Variants in MACF1 observed in about 807,000 individuals in gnomAD.
MACF1 encodes microtubule-actin cross-linking factor 1.
Under a neutral mutation model 854.8 loss-of-function variants are expected in MACF1, and 193 were observed. That is an observed-to-expected ratio of 0.23 (90% confidence interval 0.20 to 0.25). The LOEUF (loss-of-function observed/expected upper bound fraction) is 0.25, where lower values mean the gene tolerates loss of function less well. Among genes scored for constraint, MACF1 ranks in the 10% least tolerant of loss-of-function variants. MACF1 has a pLI of 1.00. For missense variants in MACF1, 7,722 were observed against 8,929.1 expected (o/e 0.86, Z 5.45); for synonymous variants, 3,185 against 3,226.7 (o/e 0.99, Z 0.44).
chr1:39,356,911 A>G (rs1375689981), intron 44 of MACF1, among the ~76,000 whole-genome samples: 1 of 152,236 alleles, frequency 6.6e-6, no homozygotes, highest in Non-Finnish European at 1.5e-5. Context: ...CCACAAAGCA[A>G]ATGAGATAAT....
chr1:39,424,849 A>G (rs540202238), intron 61 of MACF1, among the ~76,000 whole-genome samples: 2 of 152,358 alleles, frequency 1.3e-5, no homozygotes, highest in South Asian at 4.1e-4. Flanking sequence ...CTAATGAGAA[A>G]TCAATAAGAG....
rs1366991025 is a variant in MACF1, at chr1:39,333,082, A to G, written c.6494A>G (p.Asn2165Ser). 1.2e-6 allele frequency: 2 copies of G among 1,614,034 alleles called. No individual in the cohort carries two copies. The highest frequency in any genetic ancestry group is 2.7e-5 in the African/African-American group (2 of 74,908). Residue 2165 changes from asparagine to serine, a missense_variant, in exon 37 of 101, where the codon AAC becomes AGC. This residue lies in a region of MACF1 where 1,531 missense variants were observed against 1,601.6 expected (regional missense o/e 0.96). Transcript: ENST00000564288. ...TPKKEHQPLR[N>S]TSFTCQNEQA... The stretch of plus-strand genomic sequence containing the variant: ...AAGAAAGAACATCAACCTCTAAGAA[A>G]CACTTCCTTTACATGTCAGAATGAA...
rs1557593777 is a variant in MACF1 at position 39,334,079 on chromosome 1, GT to G, written c.7493del (p.Leu2498Ter). Reference sequence around the variant, plus strand: ...TGGAGAGAGAGGAGGCCGTTCGTTTGTTGACTAAGCAAGTGGTAGATGGAGG... The same window carrying G: ...TGGAGAGAGAGGAGGCCGTTCGTTTGTGACTAAGCAAGTGGTAGATGGAGG... Reference protein sequence around the residue: ...LLEREEAVRLLTKQVVDGGII... With the variant: ...LLEREEAVRLXTKQVVDGGII... On this transcript the variant is annotated frameshift_variant, in exon 37 of 101. Coordinates refer to ENST00000564288, the MANE Select transcript of MACF1 (RefSeq NM_001394062.1). LOFTEE classifies it high-confidence loss of function. 1 of 1,614,170 alleles carries G rather than the reference GT, an allele frequency of 6.2e-7. No homozygotes were observed. Among genetic ancestry groups the G allele is most frequent in the Admixed American group, 1.7e-5 (1 of 60,028 alleles).
At chr1:39,453,143 T>G (rs972109381) in intron 87 of MACF1, among the ~76,000 whole-genome samples, 2 of 152,322 alleles carry the variant, frequency 1.3e-5, no homozygotes, top group South Asian at 4.1e-4. Context: ...GTTACCAGCT[T>G]TAGGCCCTGA....
At chr1:39,186,272 T>C (rs1334650443) in intron 2 of MACF1, among the ~76,000 whole-genome samples, 1 of 149,860 alleles carries the variant, frequency 6.7e-6, no homozygotes, top group African/African-American at 2.5e-5. Context: ...AAATGACTTT[T>C]TTTTTTTTTT....
chr1:39,221,549 G>GTT (rs1361715003), intron 1 of MACF1, among the ~76,000 whole-genome samples: 1 of 152,072 alleles, frequency 6.6e-6, no homozygotes, highest in Non-Finnish European at 1.5e-5. Flanking sequence ...ACCTCTTTCT[G>GTT]TTTTCATTAT....
intron 2 of MACF1, among the ~76,000 whole-genome samples, chr1:39,157,091 T>A (rs1437478277): frequency 2.6e-5 from 4 of 151,556 alleles, no homozygotes; most frequent in Non-Finnish European, 4.4e-5. Context: ...CACCTTAGCC[T>A]CCCCAGTAGC....
chr1:39,317,890 G>T (rs1646443242), intron 29 of MACF1, among the ~76,000 whole-genome samples: 1 of 152,196 alleles, frequency 6.6e-6, no homozygotes. Flanking sequence ...CCTTTTGGAG[G>T]CTAAGCTGGT....
intron 2 of MACF1, among the ~76,000 whole-genome samples, chr1:39,176,716 T>A (rs533514140): frequency 4.5e-4 from 69 of 152,302 alleles, no homozygotes; most frequent in African/African-American, 1.4e-3. Context: ...CCCAAATTCA[T>A]AGTGTCATGA....
At chr1:39,217,054 G>A (rs951849473) in intron 1 of MACF1, among the ~76,000 whole-genome samples, 17 of 151,728 alleles carry the variant, frequency 1.1e-4, no homozygotes, top group South Asian at 6.2e-4. Context: ...TCATATCACC[G>A]TAAAATAAAA....
chr1:39,375,764 TA>T (rs1039962945), intron 52 of MACF1, among the ~76,000 whole-genome samples: 1 of 152,234 alleles, frequency 6.6e-6, no homozygotes, highest in Non-Finnish European at 1.5e-5. Context: ...AGTGATGTAA[TA>T]AGAAATTATT....
chr1:39,373,298 A>G (rs1302933991), intron 52 of MACF1: 1 of 146,014 alleles, frequency 6.8e-6, no homozygotes, highest in Non-Finnish European at 1.5e-5. Context: ...CTCTGTCTCA[A>G]AAAAAAAAAA....
intron 61 of MACF1, among the ~76,000 whole-genome samples, 155 bp from the exon 62 acceptor site, chr1:39,427,300 C>A (rs1643758590): frequency 6.6e-6 from 1 of 152,122 alleles, no homozygotes; most frequent in Non-Finnish European, 1.5e-5. Flanking sequence ...GTGTGAAATC[C>A]TTTAAAACAT....
At chr1:39,450,048 G>A (rs1422773852) in intron 84 of MACF1, among the ~76,000 whole-genome samples, 1 of 151,826 alleles carries the variant, frequency 6.6e-6, no homozygotes, top group Non-Finnish European at 1.5e-5. Context: ...ATTTTTATTA[G>A]AGACGGGGTT....
At chr1:39,351,208 A>G (rs1647171582) in intron 43 of MACF1, among the ~76,000 whole-genome samples, 190 bp downstream of exon 43, 2 of 152,086 alleles carry the variant, frequency 1.3e-5, no homozygotes, top group Admixed American at 6.5e-5. Context: ...GTGCAGTGGC[A>G]TGATCTCGGC....
At chr1:39,378,211 A>T (rs1210551373) in intron 52 of MACF1, among the ~76,000 whole-genome samples, 2 of 152,194 alleles carry the variant, frequency 1.3e-5, no homozygotes, top group Non-Finnish European at 2.9e-5. Flanking sequence ...TTCAAGTTGG[A>T]GATTTAATAA....
In MACF1 at chr1:39,336,066, C is replaced by T. The variant is rs1018178618; in HGVS notation, c.9478C>T (p.His3160Tyr). The change falls in exon 37 of 101, where the codon CAT (histidine) becomes TAT (tyrosine). Residue 3160 changes from histidine to tyrosine, a missense_variant. Coordinates refer to ENST00000564288, the MANE Select transcript of MACF1 (RefSeq NM_001394062.1). ...WVTSKTKETK[H>Y]QISSSNECKE... ...TACTTCGAAAACTAAGGAAACCAAACATCAAATTTCCTCATCTAATGAATG... is the reference window on the plus strand; with the variant it reads ...TACTTCGAAAACTAAGGAAACCAAATATCAAATTTCCTCATCTAATGAATG... The T allele has an allele frequency of 3.7e-6, 6 of 1,613,948 alleles. No homozygotes were observed. The East Asian group carries it at 1.1e-4, about 30-fold the overall frequency.
At chr1:39,356,990 A>T (rs940567386) in intron 44 of MACF1, among the ~76,000 whole-genome samples, 2 of 152,232 alleles carry the variant, frequency 1.3e-5, no homozygotes, top group African/African-American at 4.8e-5. Flanking sequence ...AGCATGTGGC[A>T]TACTGTTTAG....
intron 6 of MACF1, chr1:39,269,048 G>T: frequency 7.8e-7 from 1 of 1,289,554 alleles, no homozygotes; most frequent in Non-Finnish European, 1.0e-6. Flanking sequence ...GGGAGGTCCA[G>T]ACCGCCCACC....
Sources: gnomAD v4.1 joint callset for allele counts (sites outside exome capture counted in the v4.1 genomes callset) on GRCh38, gnomAD v4.1.1 for gene constraint, gnomAD v4.1.1 regional missense constraint, MANE v1.5 for transcripts, NCBI Gene and HGNC (gene_info 2026-07-23, HGNC 2026-07-21) for gene names.